BOLL: variants seen among roughly 807,000 people sequenced by gnomAD.
The protein encoded by BOLL is boule RNA binding protein, also known as protein boule-like.
A neutral mutation model predicts 44.4 loss-of-function variants in BOLL; 23 were observed. The ratio of observed to expected loss-of-function variants is 0.52; its 90% CI spans 0.37 to 0.73. The LOEUF (loss-of-function observed/expected upper bound fraction) is 0.73, where lower values mean the gene tolerates loss of function less well. BOLL is among the 30% of genes least tolerant of loss of function. The probability of loss-of-function intolerance (pLI) is 0.00; values close to 1 mark genes in which losing one functional copy is unlikely to be tolerated. For synonymous variants in BOLL, 97 were observed against 110.8 expected, an observed-to-expected ratio of 0.88 and a Z score of 0.78; for missense variants, 287 against 338.3, an observed-to-expected ratio of 0.85 and a Z score of 1.19.
At chr2:197,780,726 G>T (rs1260178668) in intron 2 of BOLL, among the ~76,000 whole-genome samples, 1 of 151,800 alleles carries the variant, frequency 6.6e-6, no homozygotes, top group Admixed American at 6.6e-5. Flanking sequence ...TAACAGATTG[G>T]TTATATGGAA....
intron 7 of BOLL, chr2:197,759,155 G>A (rs1688641022): frequency 1.5e-6 from 1 of 678,074 alleles, no homozygotes; most frequent in Non-Finnish European, 2.5e-6. Flanking sequence ...CAAAAGGAGA[G>A]TGCTGGAGTG....
intron 9 of BOLL, among the ~76,000 whole-genome samples, chr2:197,754,725 C>CA (rs1688428360): frequency 6.9e-6 from 1 of 145,022 alleles, no homozygotes. Flanking sequence ...AAAAACAAAA[C>CA]AAAAAACAAA....
At chr2:197,731,722 C>T (rs1214899000) in intron 10 of BOLL, among the ~76,000 whole-genome samples, 1 of 151,808 alleles carries the variant, frequency 6.6e-6, no homozygotes, top group Non-Finnish European at 1.5e-5. Flanking sequence ...CTACTGGGTA[C>T]ATAACAAAAT....
At chr2:197,773,932 G>A in intron 5 of BOLL, 1 of 382,076 alleles carries the variant, frequency 2.6e-6, no homozygotes, top group South Asian at 2.1e-5. Context: ...AATGGAGATG[G>A]AAAGAAATGA....
At chr2:197,784,875 C>CT in intron 1 of BOLL, 181 bp downstream of exon 1, 1 of 987,446 alleles carries the variant, frequency 1.0e-6, no homozygotes, top group Non-Finnish European at 1.2e-6. Context: ...ACGGAAACAC[C>CT]TAGATGGGGA....
chr2:197,785,270 G>C lies in BOLL; in HGVS notation c.-230C>G. The C allele has an allele frequency of 1.0e-6, 1 of 985,382 alleles. No homozygotes were observed. Among genetic ancestry groups the C allele is most frequent in the Non-Finnish European group, 1.2e-6 (1 of 829,738 alleles). 61.0% of individuals were successfully genotyped at this position (985,382 alleles called of 1,614,324 possible). ...GCCCCACAAATCCGCCAGCAGCAGT[G>C]GCGGGAAGCCTCAACGGCAGCGACC... On this transcript the variant is annotated 5_prime_UTR_variant, in exon 1 of 11. Transcript: ENST00000392296. The surrounding 1 kb of genome is among the most constrained non-coding windows in gnomAD (Gnocchi z 6.7).
At chr2:197,766,957 G>T (rs1433444046) in intron 6 of BOLL, among the ~76,000 whole-genome samples, 1 of 151,966 alleles carries the variant, frequency 6.6e-6, no homozygotes, top group Non-Finnish European at 1.5e-5. Context: ...CCATTGTGGG[G>T]ACCAGCAGGA....
intron 9 of BOLL, among the ~76,000 whole-genome samples, chr2:197,750,947 C>T (rs925538860): frequency 1.3e-5 from 2 of 152,184 alleles, no homozygotes; most frequent in Admixed American, 6.5e-5. Flanking sequence ...AACAAACAGT[C>T]TCTCAGACCA....
At chr2:197,729,297 C>G (rs1687017617) in intron 10 of BOLL, among the ~76,000 whole-genome samples, 1 of 152,374 alleles carries the variant, frequency 6.6e-6, no homozygotes, top group East Asian at 1.9e-4. Context: ...TATCTCGCAC[C>G]TGGCTCGGAG....
intron 10 of BOLL, among the ~76,000 whole-genome samples, chr2:197,738,888 G>T (rs1687616761): frequency 6.6e-6 from 1 of 152,084 alleles, no homozygotes; most frequent in Non-Finnish European, 1.5e-5. Context: ...TCTAGAAAAA[G>T]ATTGTTTCAT....
intron 10 of BOLL, among the ~76,000 whole-genome samples, chr2:197,729,026 C>A (rs1007886591): frequency 2.6e-5 from 4 of 152,192 alleles, no homozygotes; most frequent in Non-Finnish European, 4.4e-5. Flanking sequence ...GTGAGCGACG[C>A]AGAAGACGGG....
intron 9 of BOLL, among the ~76,000 whole-genome samples, chr2:197,753,393 G>A (rs1574832839): frequency 6.6e-6 from 1 of 152,034 alleles, no homozygotes; most frequent in African/African-American, 2.4e-5. Context: ...CTATCCATCT[G>A]ACAATAGGCT....
chr2:197,776,501 G>A (rs1366774056), intron 4 of BOLL, among the ~76,000 whole-genome samples: 1 of 151,894 alleles, frequency 6.6e-6, no homozygotes, highest in Non-Finnish European at 1.5e-5. Flanking sequence ...AGAAAGAGGA[G>A]TTCAGCATTT....
At chr2:197,740,068 G>A (rs1687663450) in intron 10 of BOLL, among the ~76,000 whole-genome samples, 1 of 152,140 alleles carries the variant, frequency 6.6e-6, no homozygotes, top group South Asian at 2.1e-4. Context: ...AACACTATAG[G>A]TTTTGACAAT....
At chr2:197,731,769 G>C (rs1687193735) in intron 10 of BOLL, among the ~76,000 whole-genome samples, 1 of 151,830 alleles carries the variant, frequency 6.6e-6, no homozygotes, top group Non-Finnish European at 1.5e-5. Flanking sequence ...AAACCAACGA[G>C]AGCAAAGACA....
At chr2:197,729,661 C>A (rs1464514180) in intron 10 of BOLL, among the ~76,000 whole-genome samples, 1 of 152,072 alleles carries the variant, frequency 6.6e-6, no homozygotes, top group Non-Finnish European at 1.5e-5. Context: ...GACCCCTGAC[C>A]CCCAAGCAGC....
intron 10 of BOLL, among the ~76,000 whole-genome samples, chr2:197,734,290 G>A (rs1270377306): frequency 4.2e-4 from 64 of 151,882 alleles, no homozygotes; most frequent in East Asian, 9.7e-4. Flanking sequence ...TTAGAATGGC[G>A]ATCATTAAAA....
At chr2:197,734,763 A>G (rs1275256790) in intron 10 of BOLL, among the ~76,000 whole-genome samples, 1 of 152,128 alleles carries the variant, frequency 6.6e-6, no homozygotes, top group Non-Finnish European at 1.5e-5. Context: ...GAACAATGAG[A>G]AAACTTGGAC....
In BOLL at chr2:197,784,425, T is replaced by C. The variant is rs1363156450; in HGVS notation, c.-16+631A>G. On this transcript the variant is annotated intron_variant, in intron 1 of 10. Coordinates refer to ENST00000392296, the MANE Select transcript of BOLL (RefSeq NM_033030.6). Reference sequence around the variant, plus strand: ...ATATATATATATATATATATATATATATATATATATATATATATATATATT... The same window carrying C: ...ATATATATATATATATATATATATACATATATATATATATATATATATATT... Among the ~76,000 whole-genome samples the C allele has an allele frequency of 1.0e-4, 11 of 108,894 alleles. 2 individuals are homozygous for C. Among genetic ancestry groups the C allele is most frequent in the East Asian group, 4.8e-4 (2 of 4,126 alleles). The allele number at this position is 108,894 out of a possible 152,430, so 71.4% of individuals were successfully genotyped here.
Sources: allele counts gnomAD v4.1 joint callset (sites outside exome capture counted in the v4.1 genomes callset), GRCh38; gene constraint gnomAD v4.1.1; non-coding constraint Gnocchi (gnomAD v3.1); transcripts MANE v1.5; gene names NCBI Gene and HGNC (gene_info 2026-07-23, HGNC 2026-07-21).